The following NRG1 variants were observed in gnomAD, a reference collection of about 807,000 sequenced individuals.
NRG1 encodes pro-neuregulin-1, membrane-bound isoform.
NRG1 carries 18 observed loss-of-function variants against 63.8 expected under a neutral mutation model. The observed-to-expected ratio is 0.28, with a 90% CI of 0.19 to 0.42. The LOEUF is 0.42. Ranked by LOEUF, NRG1 falls within the 10% of genes least tolerant of loss-of-function variation. NRG1 has a pLI of 1.00. For missense variants in NRG1, 762 were observed against 814.7 expected (o/e 0.94, Z 0.79); for synonymous variants, 302 against 301.3 (o/e 1.00, Z -0.02).
chr8:32,282,129 A>C (rs1186090656), intron 1 of NRG1, among the ~76,000 whole-genome samples: 1 of 152,150 alleles, frequency 6.6e-6, no homozygotes, highest in African/African-American at 2.4e-5. Context: ...AAAGCTTTGA[A>C]AAGTTTGAGA....
At chr8:32,366,413 T>C (rs1325862411) in intron 1 of NRG1, among the ~76,000 whole-genome samples, 3 of 151,972 alleles carry the variant, frequency 2.0e-5, no homozygotes, top group African/African-American at 7.2e-5. Flanking sequence ...ACATTAACTT[T>C]TTTAGCTCCC....
intron 5 of NRG1, among the ~76,000 whole-genome samples, chr8:32,638,279 C>G (rs994561559): frequency 6.6e-6 from 1 of 151,942 alleles, no homozygotes; most frequent in Non-Finnish European, 1.5e-5. Flanking sequence ...CAAACCTGCA[C>G]GTTGTGCACA....
chr8:32,370,478 G>C (rs897714438), intron 1 of NRG1, among the ~76,000 whole-genome samples: 5 of 152,120 alleles, frequency 3.3e-5, no homozygotes. Context: ...GCCAATGACT[G>C]TGTATTACAT....
chr8:31,951,428 G>T (rs1046028099), intron 1 of NRG1, among the ~76,000 whole-genome samples: 4 of 152,208 alleles, frequency 2.6e-5, no homozygotes, highest in Non-Finnish European at 5.9e-5. Flanking sequence ...GTGAGCCAAA[G>T]AGGTGATCCC....
chr8:32,754,159 G>T (rs201931324), intron 7 of NRG1, among the ~76,000 whole-genome samples: 1 of 152,106 alleles, frequency 6.6e-6, no homozygotes, highest in Non-Finnish European at 1.5e-5. Context: ...TATTTGTATT[G>T]TAAATGGCCC....
intron 1 of NRG1, among the ~76,000 whole-genome samples, chr8:32,378,092 G>A (rs548773198): frequency 9.9e-5 from 15 of 152,234 alleles, no homozygotes; most frequent in African/African-American, 3.1e-4. Flanking sequence ...CTTAATTCAG[G>A]CAGCAATAAT....
chr8:32,755,852 C>T (rs756692303), intron 8 of NRG1, among the ~76,000 whole-genome samples: 4 of 152,154 alleles, frequency 2.6e-5, no homozygotes, highest in East Asian at 3.9e-4. Context: ...AAGTGATGCT[C>T]ATGCCTCAGC....
intron 1 of NRG1, among the ~76,000 whole-genome samples, chr8:31,679,268 C>T (rs1418240842): frequency 1.3e-5 from 2 of 152,078 alleles, no homozygotes; most frequent in Admixed American, 1.3e-4. Context: ...CCCAACACTA[C>T]CTATTCCCCT....
In NRG1 at chr8:31,989,253, C is replaced by CAAAAAAAAAAAAAAAA. The variant is rs10692906; in HGVS notation, c.37+349827_37+349842dup. Among the ~76,000 whole-genome samples the CAAAAAAAAAAAAAAAA allele has an allele frequency of 1.2e-3, 58 of 47,510 alleles. 4 individuals carry two copies. The highest frequency in any genetic ancestry group is 8.3e-3 in the East Asian group (5 of 602). 31.2% of individuals were successfully genotyped at this position (47,510 alleles called of 152,430 possible). Reference sequence around the variant, plus strand: ...CCTGGGTGAGAGAGAGACTCTGTCTCAAAAAAAAAAAAAAAAAAAAGAACA... The same window carrying CAAAAAAAAAAAAAAAA: ...CCTGGGTGAGAGAGAGACTCTGTCTCAAAAAAAAAAAAAAAAAAAAAAAAAAAAAAAAAAAAGAACA... On this transcript the variant is annotated intron_variant, in intron 1 of 10. Transcript: ENST00000519301.
chr8:32,303,361 A>AT (rs61049406), intron 1 of NRG1, among the ~76,000 whole-genome samples: 1 of 152,244 alleles, frequency 6.6e-6, no homozygotes, highest in African/African-American at 2.4e-5. Flanking sequence ...TTAAAAAAAA[A>AT]CACAGAAAAA....
chr8:32,772,041 GTATATATATATATATA>G (rs1157977487), downstream of NRG1, among the ~76,000 whole-genome samples: 122 of 10,554 alleles, frequency 0.012, 5 homozygotes, highest in South Asian at 0.02. Flanking sequence ...AAAAAAATAT[GTATATATATATATATA>G]TATATATATA....
At chr8:32,305,596 C>T (rs1220425606) in intron 1 of NRG1, among the ~76,000 whole-genome samples, 1 of 152,136 alleles carries the variant, frequency 6.6e-6, no homozygotes, top group Non-Finnish European at 1.5e-5. Context: ...TCCTCAGAGT[C>T]CACTTAGCTT....
At chr8:31,895,482 ACT>A (rs1230541996) in intron 1 of NRG1, among the ~76,000 whole-genome samples, 2 of 151,704 alleles carry the variant, frequency 1.3e-5, no homozygotes, top group Non-Finnish European at 2.9e-5. Context: ...GAAATTGGAA[ACT>A]CTTCTAATCC....
intron 1 of NRG1, among the ~76,000 whole-genome samples, chr8:31,686,379 G>T (rs1808893042): frequency 6.6e-6 from 1 of 152,022 alleles, no homozygotes; most frequent in East Asian, 1.9e-4. Flanking sequence ...AAAAAAAATG[G>T]CCTGGAATCT....
intron 1 of NRG1, among the ~76,000 whole-genome samples, chr8:32,273,564 G>C (rs554234855): frequency 2.6e-5 from 4 of 152,258 alleles, no homozygotes; most frequent in African/African-American, 9.6e-5. Flanking sequence ...CTTTTGTTCT[G>C]CCTGTGTTTA....
chr8:31,836,264 C>T (rs1825680092), intron 1 of NRG1, among the ~76,000 whole-genome samples: 1 of 152,100 alleles, frequency 6.6e-6, no homozygotes, highest in Admixed American at 6.5e-5. Context: ...CTTATATTTA[C>T]AAAAGCATTG....
At chr8:31,849,185 A>C (rs542482542) in intron 1 of NRG1, among the ~76,000 whole-genome samples, 5 of 152,296 alleles carry the variant, frequency 3.3e-5, no homozygotes, top group Non-Finnish European at 5.9e-5. Context: ...TTCATCCAAC[A>C]GGCATCTAAA....
rs557005700 is a variant in NRG1 at position 32,417,704 on chromosome 8, G to C, written c.38-178124G>C. Reference sequence around the variant, plus strand: ...GAAGAACCTGTTAGGATATTCTCAAGATTTGTTCTAGTCACACGGGGGTGG... The same window carrying C: ...GAAGAACCTGTTAGGATATTCTCAACATTTGTTCTAGTCACACGGGGGTGG... On this transcript the variant is annotated intron_variant, in intron 1 of 10. Transcript: ENST00000519301. Among the ~76,000 whole-genome samples the C allele has an allele frequency of 1.3e-4, 19 of 143,520 alleles. No homozygotes were observed. In the South Asian group the frequency reaches 4.4e-3, roughly 33 times the overall value. 94.2% of individuals were successfully genotyped at this position (143,520 alleles called of 152,430 possible). A position where few individuals can be genotyped will look rare whatever the true frequency, so the allele number is the denominator to read the frequency against.
At chr8:32,031,566 A>G (rs1818259958) in intron 1 of NRG1, among the ~76,000 whole-genome samples, 1 of 151,950 alleles carries the variant, frequency 6.6e-6, no homozygotes, top group African/African-American at 2.4e-5. Context: ...TTCATTTATA[A>G]CTAGGCAGCA....
Sources: gnomAD v4.1 joint callset for allele counts (sites outside exome capture counted in the v4.1 genomes callset) on GRCh38, gnomAD v4.1.1 for gene constraint, MANE v1.5 for transcripts, NCBI Gene and HGNC (gene_info 2026-07-23, HGNC 2026-07-21) for gene names.